DCLK1: variants seen among roughly 807,000 people sequenced by gnomAD.
DCLK1 encodes doublecortin like kinase 1, also known as serine/threonine-protein kinase DCLK1.
DCLK1 carries 16 observed loss-of-function variants against 86.2 expected under a neutral mutation model. That is an observed-to-expected ratio of 0.19 (90% CI 0.13 to 0.28). DCLK1 has a LOEUF of 0.28. Among genes scored for constraint, DCLK1 ranks in the 10% least tolerant of loss-of-function variants. DCLK1 has a pLI of 1.00. For synonymous variants in DCLK1, 369 were observed against 370.5 expected, an observed-to-expected ratio of 1.00 and a Z score of 0.05; for missense variants, 590 against 940.2, an observed-to-expected ratio of 0.63 and a Z score of 4.87.
intron 3 of DCLK1, among the ~76,000 whole-genome samples, chr13:36,056,730 C>T (rs1001562733): frequency 1.3e-5 from 2 of 148,312 alleles, no homozygotes; most frequent in African/African-American, 5.0e-5. Context: ...AATATGTATG[C>T]ATGTGTGTGT....
At chr13:36,072,915 T>C (rs898245660) in intron 3 of DCLK1, among the ~76,000 whole-genome samples, 6 of 152,218 alleles carry the variant, frequency 3.9e-5, no homozygotes, top group Admixed American at 3.9e-4. Context: ...TATCATAATA[T>C]ATAACATCAA....
intron 11 of DCLK1, among the ~76,000 whole-genome samples, chr13:35,821,276 T>C (rs1192261301): frequency 1.3e-5 from 2 of 152,194 alleles, no homozygotes; most frequent in Non-Finnish European, 2.9e-5. Context: ...ACATAGATGG[T>C]TCTCCATCAT....
intron 2 of DCLK1, among the ~76,000 whole-genome samples, chr13:36,119,505 T>G (rs1054920681): frequency 1.3e-5 from 2 of 152,118 alleles, no homozygotes; most frequent in Non-Finnish European, 2.9e-5. Flanking sequence ...AAGGGGAAAA[T>G]TATAACTTTA....
chr13:36,129,153 G>A (rs1335516546), intron 1 of DCLK1, among the ~76,000 whole-genome samples: 1 of 152,188 alleles, frequency 6.6e-6, no homozygotes, highest in Non-Finnish European at 1.5e-5. Context: ...GGGCCATAGG[G>A]AAGGATGGCA....
chr13:35,950,373 T>C (rs1877602265), intron 3 of DCLK1, among the ~76,000 whole-genome samples: 1 of 152,202 alleles, frequency 6.6e-6, no homozygotes, highest in South Asian at 2.1e-4. Flanking sequence ...TATAACCCTC[T>C]TCTTTAGACA....
At chr13:36,065,287 A>G in intron 3 of DCLK1, among the ~76,000 whole-genome samples, 1 of 152,222 alleles carries the variant, frequency 6.6e-6, no homozygotes, top group Non-Finnish European at 1.5e-5. Context: ...TGAAGAGTAA[A>G]TGAGACATGA....
At chr13:35,774,783 A>G in intron 16 of DCLK1, 84 bp from the exon 17 acceptor site, 2 of 1,458,674 alleles carry the variant, frequency 1.4e-6, no homozygotes, top group African/African-American at 1.4e-5. Flanking sequence ...TTCTGAGGTC[A>G]GAAAAAATAC....
intron 3 of DCLK1, among the ~76,000 whole-genome samples, chr13:35,988,756 A>G (rs1880063886): frequency 6.6e-6 from 1 of 152,104 alleles, no homozygotes; most frequent in South Asian, 2.1e-4. Flanking sequence ...TTCCATGGAG[A>G]TGACGAAGGA....
intron 3 of DCLK1, among the ~76,000 whole-genome samples, chr13:36,091,891 C>T (rs1297355647): frequency 6.6e-6 from 1 of 152,086 alleles, no homozygotes; most frequent in Non-Finnish European, 1.5e-5. Context: ...TGAGCACAAC[C>T]CCTCCCCAAA....
At chr13:36,115,273 C>T (rs184834059) in intron 2 of DCLK1, among the ~76,000 whole-genome samples, 2 of 152,200 alleles carry the variant, frequency 1.3e-5, no homozygotes, top group East Asian at 1.9e-4. Context: ...CCCCACACCC[C>T]GAAGTCTTTT....
intron 3 of DCLK1, among the ~76,000 whole-genome samples, chr13:36,007,421 T>C (rs555550334): frequency 6.6e-6 from 1 of 152,194 alleles, no homozygotes; most frequent in Non-Finnish European, 1.5e-5. Context: ...AGTCTTGAAT[T>C]TGCAAAATCT....
chr13:35,882,531 C>G (rs1461505301), intron 4 of DCLK1, among the ~76,000 whole-genome samples: 1 of 152,194 alleles, frequency 6.6e-6, no homozygotes, highest in Non-Finnish European at 1.5e-5. Context: ...TTCTAGGACT[C>G]TTTGTTGCTC....
chr13:35,985,652 C>T (rs1879866512), intron 3 of DCLK1, among the ~76,000 whole-genome samples: 2 of 152,158 alleles, frequency 1.3e-5, no homozygotes, highest in Admixed American at 6.5e-5. Context: ...AGGAGAGGTC[C>T]TTGGCAGCCT....
intron 15 of DCLK1, among the ~76,000 whole-genome samples, chr13:35,796,228 G>A (rs553270372): frequency 6.6e-5 from 10 of 152,174 alleles, no homozygotes; most frequent in South Asian, 4.2e-4. Flanking sequence ...AGGCTACCTC[G>A]GGCAAAATGA....
chr13:35,993,214 T>C (rs1361332710), intron 3 of DCLK1, among the ~76,000 whole-genome samples: 1 of 152,140 alleles, frequency 6.6e-6, no homozygotes, highest in African/African-American at 2.4e-5. Context: ...AACTCAACTC[T>C]CACTTCCTCC....
At chr13:35,930,423 T>C (rs913169847) in intron 4 of DCLK1, among the ~76,000 whole-genome samples, 1 of 152,142 alleles carries the variant, frequency 6.6e-6, no homozygotes, top group Non-Finnish European at 1.5e-5. Flanking sequence ...TCTTCCTCTG[T>C]AGGACTTGTT....
intron 4 of DCLK1, among the ~76,000 whole-genome samples, chr13:35,933,776 T>C (rs938879556): frequency 2.0e-5 from 3 of 152,222 alleles, no homozygotes; most frequent in Non-Finnish European, 4.4e-5. Context: ...GAGGGGCTGC[T>C]GTAAAGACCT....
chr13:35,911,318 A>G (rs1380162288), intron 4 of DCLK1, among the ~76,000 whole-genome samples: 1 of 151,372 alleles, frequency 6.6e-6, no homozygotes, highest in African/African-American at 2.4e-5. Flanking sequence ...GAACTGTTAA[A>G]TTTTACCACC....
intron 2 of DCLK1, among the ~76,000 whole-genome samples, chr13:36,119,120 A>T (rs936197661): frequency 1.3e-5 from 2 of 152,250 alleles, no homozygotes; most frequent in African/African-American, 2.4e-5. Context: ...TGAATTCTGG[A>T]AAATGGAAAA....
Sources: allele counts gnomAD v4.1 joint callset (sites outside exome capture counted in the v4.1 genomes callset), GRCh38; gene constraint gnomAD v4.1.1; transcripts MANE v1.5; gene names NCBI Gene and HGNC (gene_info 2026-07-23, HGNC 2026-07-21).